The following APBA1 variants were observed in gnomAD, a reference collection of about 807,000 sequenced individuals.
APBA1 encodes amyloid-beta A4 precursor protein-binding family A member 1.
APBA1 carries 55 observed loss-of-function variants against 86.6 expected under a neutral mutation model. That is an observed-to-expected ratio of 0.64 (90% confidence interval 0.51 to 0.80). APBA1 has a LOEUF of 0.80. Ranked by LOEUF, APBA1 falls within the 30% of genes least tolerant of loss-of-function variation. The probability of loss-of-function intolerance (pLI) is 0.00; values close to 1 mark genes in which losing one functional copy is unlikely to be tolerated. For synonymous variants in APBA1, 511 were observed against 493.9 expected (o/e 1.03, Z -0.46); for missense variants, 1,090 against 1,183.0 (o/e 0.92, Z 1.15).
chr9:69,595,635 C>G (rs1411442), intron 1 of APBA1, among the ~76,000 whole-genome samples: 12,354 of 152,196 alleles, frequency 0.081, 731 homozygotes, highest in African/African-American at 0.17. Context: ...TGGGTTCATA[C>G]ATGATTTTTC....
At chr9:69,538,749 T>TA (rs2133915340) in intron 1 of APBA1, among the ~76,000 whole-genome samples, 1 of 152,316 alleles carries the variant, frequency 6.6e-6, no homozygotes, top group South Asian at 2.1e-4. Context: ...AGATTCTACT[T>TA]AGAGTCCTAG....
At chr9:69,653,416 C>T (rs1310865116) in intron 1 of APBA1, among the ~76,000 whole-genome samples, 2 of 152,128 alleles carry the variant, frequency 1.3e-5, no homozygotes, top group Non-Finnish European at 2.9e-5. Context: ...GACAGTAAAT[C>T]AACAGAGAAA....
intron 2 of APBA1, among the ~76,000 whole-genome samples, chr9:69,510,719 C>G (rs1401646801): frequency 1.4e-5 from 2 of 144,300 alleles, no homozygotes; most frequent in African/African-American, 2.7e-5. Flanking sequence ...GGTACCAAAA[C>G]AGAGATATAG....
rs1238554420 is a variant in APBA1 at position 69,451,284 on chromosome 9, C to CT, written c.1968+837dup. ...CACATCCCTTCTGTTCTGAGGCACT[C>CT]TCCCAACAAACCTCTGTGACAAGAA... On this transcript the variant is annotated intron_variant, in intron 9 of 12. Coordinates refer to ENST00000265381, the MANE Select transcript of APBA1 (RefSeq NM_001163.4). Among the ~76,000 whole-genome samples, 7 of 152,370 alleles carry CT rather than the reference C, an allele frequency of 4.6e-5. No individual in the cohort carries two copies. The East Asian group carries it at 9.6e-4, about 21-fold the overall frequency.
intron 1 of APBA1, among the ~76,000 whole-genome samples, chr9:69,529,529 T>A (rs116030363): frequency 6.6e-6 from 1 of 152,244 alleles, no homozygotes; most frequent in African/African-American, 2.4e-5. Flanking sequence ...CCATAATAGT[T>A]CATTGGCCGT....
chr9:69,511,080 A>T (rs1258416162), intron 2 of APBA1, among the ~76,000 whole-genome samples: 2 of 152,016 alleles, frequency 1.3e-5, no homozygotes, highest in African/African-American at 4.8e-5. Context: ...ATGGGATCTA[A>T]TTAAACTAAA....
intron 1 of APBA1, among the ~76,000 whole-genome samples, chr9:69,646,478 G>A (rs1823392064): frequency 1.3e-5 from 2 of 152,158 alleles, no homozygotes; most frequent in African/African-American, 4.8e-5. Flanking sequence ...GATTTGCAGA[G>A]AGTAACACTC....
chr9:69,648,033 C>T (rs1248042166), intron 1 of APBA1, among the ~76,000 whole-genome samples: 1 of 152,202 alleles, frequency 6.6e-6, no homozygotes, highest in Non-Finnish European at 1.5e-5. Context: ...CACCACTGCA[C>T]TCTCTGGATC....
At chr9:69,638,390 G>A (rs566652752) in intron 1 of APBA1, among the ~76,000 whole-genome samples, 28 of 152,150 alleles carry the variant, frequency 1.8e-4, no homozygotes, top group African/African-American at 5.5e-4. Flanking sequence ...ACAGGCATGC[G>A]CCACCATGCC....
At chr9:69,633,308 T>C (rs1374618432) in intron 1 of APBA1, among the ~76,000 whole-genome samples, 1 of 152,108 alleles carries the variant, frequency 6.6e-6, no homozygotes, top group African/African-American at 2.4e-5. Context: ...ATTACCTGAT[T>C]CTTTCCTGCT....
intron 1 of APBA1, among the ~76,000 whole-genome samples, chr9:69,615,694 C>T (rs2133985380): frequency 6.6e-6 from 1 of 152,282 alleles, no homozygotes; most frequent in Non-Finnish European, 1.5e-5. Flanking sequence ...CAGTCCTGTG[C>T]ATTGTTTTCA....
At chr9:69,514,901 C>T (rs1330054732) in intron 2 of APBA1, among the ~76,000 whole-genome samples, 5 of 152,022 alleles carry the variant, frequency 3.3e-5, no homozygotes, top group Admixed American at 2.6e-4. Flanking sequence ...AGCAAGACTC[C>T]GTCACAAAAC....
At chr9:69,553,890 C>T (rs1312375890) in intron 1 of APBA1, among the ~76,000 whole-genome samples, 3 of 152,180 alleles carry the variant, frequency 2.0e-5, no homozygotes, top group Non-Finnish European at 2.9e-5. Context: ...AATAAACACA[C>T]AAGTGTGGAC....
At chr9:69,565,158 C>A (rs1837005256) in intron 1 of APBA1, among the ~76,000 whole-genome samples, 1 of 151,968 alleles carries the variant, frequency 6.6e-6, no homozygotes, top group African/African-American at 2.4e-5. Flanking sequence ...CCTGCAAAAA[C>A]CTCCAAACAT....
chr9:69,532,042 AAC>A (rs1836441584), intron 1 of APBA1, among the ~76,000 whole-genome samples: 1 of 152,196 alleles, frequency 6.6e-6, no homozygotes, highest in African/African-American at 2.4e-5. Flanking sequence ...TAGATTGCAC[AAC>A]ACAAAGAGTG....
chr9:69,568,871 G>C (rs956684196), intron 1 of APBA1, among the ~76,000 whole-genome samples: 1 of 152,182 alleles, frequency 6.6e-6, no homozygotes, highest in Non-Finnish European at 1.5e-5. Context: ...ACTGGCATGA[G>C]AAAGTACTCA....
At chr9:69,472,380 C>T (rs1208912851) in intron 3 of APBA1, 2 of 152,264 alleles carry the variant, frequency 1.3e-5, no homozygotes, top group African/African-American at 4.8e-5. Flanking sequence ...GGCAGCTTAA[C>T]TGCCTGCTAT....
intron 1 of APBA1, among the ~76,000 whole-genome samples, chr9:69,638,969 C>T (rs1646327845): frequency 6.6e-6 from 1 of 152,148 alleles, no homozygotes; most frequent in Non-Finnish European, 1.5e-5. Context: ...AGGGACAGAG[C>T]TTCTCAAAAA....
chr9:69,526,825 G>A (rs1295191309), intron 1 of APBA1, among the ~76,000 whole-genome samples: 5 of 152,064 alleles, frequency 3.3e-5, no homozygotes, highest in South Asian at 4.2e-4. Flanking sequence ...CAACCTAGGT[G>A]CTCATCAATG....
Sources: allele counts gnomAD v4.1 joint callset (sites outside exome capture counted in the v4.1 genomes callset), GRCh38; gene constraint gnomAD v4.1.1; transcripts MANE v1.5; gene names NCBI Gene and HGNC (gene_info 2026-07-23, HGNC 2026-07-21).